PNPT1: variants seen among roughly 807,000 people sequenced by gnomAD.
PNPT1 encodes polyribonucleotide nucleotidyltransferase 1, mitochondrial.
A neutral mutation model predicts 119.5 loss-of-function variants in PNPT1; 53 were observed. The ratio of observed to expected loss-of-function variants is 0.44; its 90% confidence interval spans 0.36 to 0.56. The LOEUF is 0.56. PNPT1 is among the 20% of genes least tolerant of loss of function. PNPT1 has a pLI of 0.00. For synonymous variants in PNPT1, 357 were observed against 322.1 expected, an observed-to-expected ratio of 1.11 and a Z score of -1.16; for missense variants, 948 against 938.5, an observed-to-expected ratio of 1.01 and a Z score of -0.13.
chr2:55,688,760 C>A lies in PNPT1; in HGVS notation c.162-1055G>T, dbSNP rs75849470. Among the ~76,000 whole-genome samples, 198 of 150,380 alleles carry A rather than the reference C, an allele frequency of 1.3e-3. 1 individual carries two copies. Among genetic ancestry groups the A allele is most frequent in the East Asian group, 0.013 (66 of 5,110 alleles). On this transcript the variant is annotated intron_variant, in intron 1 of 27. Transcript: ENST00000447944. ...CAAAACAAAACAACAACAACAACAA[C>A]AACAACAAAAAACTTTAGAATTTCT... is the stretch of plus-strand genomic sequence containing the variant.
chr2:55,647,306 A>G, intron 19 of PNPT1, 41 bp downstream of exon 19: 1 of 1,411,376 alleles, frequency 7.1e-7, no homozygotes, highest in Non-Finnish European at 9.8e-7. Flanking sequence ...ATTTATTTTT[A>G]GTCTTCATTA....
At chr2:55,692,532 G>A (rs1390465324) in intron 1 of PNPT1, among the ~76,000 whole-genome samples, 1 of 151,464 alleles carries the variant, frequency 6.6e-6, no homozygotes, top group East Asian at 1.9e-4. Flanking sequence ...TTAAAAAGCG[G>A]TCCCCTAAAA....
At chr2:55,659,009 C>T (rs138654005) in intron 15 of PNPT1, among the ~76,000 whole-genome samples, 390 of 152,266 alleles carry the variant, frequency 2.6e-3, no homozygotes, top group African/African-American at 8.4e-3. Flanking sequence ...GGCTGAAGTG[C>T]GGCGGAGTGA....
intron 19 of PNPT1, among the ~76,000 whole-genome samples, chr2:55,647,021 G>C (rs982302182): frequency 2.0e-5 from 3 of 152,060 alleles, no homozygotes; most frequent in African/African-American, 7.2e-5. Flanking sequence ...ATTTTTAGTA[G>C]AGATGGAGTT....
chr2:55,636,077 TA>T lies in PNPT1; in HGVS notation c.*159del. On this transcript the variant is annotated 3_prime_UTR_variant, in exon 28 of 28. Transcript: ENST00000447944. Reference sequence around the variant, plus strand: ...TTAAACAAATATGGGTTACTCGAATTAAAAAAATGGCACATGTAAATGAGCA... The same window carrying T: ...TTAAACAAATATGGGTTACTCGAATTAAAAAATGGCACATGTAAATGAGCA... 3 of 413,118 alleles carry T rather than the reference TA, an allele frequency of 7.3e-6. No individual in the cohort carries two copies. The highest frequency in any genetic ancestry group is 1.2e-5 in the Non-Finnish European group (3 of 245,592). 25.6% of individuals were successfully genotyped at this position (413,118 alleles called of 1,614,324 possible).
chr2:55,661,891 C>T, intron 14 of PNPT1, 65 bp downstream of exon 14: 1 of 1,353,520 alleles, frequency 7.4e-7, no homozygotes, highest in Non-Finnish European at 9.8e-7. Flanking sequence ...TAATATACCA[C>T]ATAAGCTTTA....
At chr2:55,671,465 G>T in intron 10 of PNPT1, 89 bp from the exon 11 acceptor site, 4 of 700,472 alleles carry the variant, frequency 5.7e-6, no homozygotes, top group African/African-American at 1.9e-5. Context: ...AACACATTGT[G>T]AATTACTCTG....
At chr2:55,662,879 GATT>G (rs1325777617) in intron 13 of PNPT1, among the ~76,000 whole-genome samples, 5 of 131,830 alleles carry the variant, frequency 3.8e-5, no homozygotes, top group Non-Finnish European at 6.6e-5. Flanking sequence ...GCAGACAAAA[GATT>G]TTTTTTTTTT....
At chr2:55,693,437 G>A (rs1252867756) in intron 1 of PNPT1, among the ~76,000 whole-genome samples, 7 of 152,156 alleles carry the variant, frequency 4.6e-5, no homozygotes, top group Admixed American at 4.6e-4. Flanking sequence ...GTCGGATGGA[G>A]CAAAGAAGCC....
intron 21 of PNPT1, 146 bp downstream of exon 21, chr2:55,646,113 C>T (rs1695994491): frequency 1.3e-6 from 1 of 783,470 alleles, no homozygotes. Context: ...CAGACATGAG[C>T]CACCACACCT....
Position 55,661,967 on chromosome 2 carries a change from T to C in PNPT1, c.1236A>G (p.Ile412Met). 1 of 1,572,034 alleles carries C rather than the reference T, an allele frequency of 6.4e-7. No individual in the cohort carries two copies. Among genetic ancestry groups the C allele is most frequent in the Non-Finnish European group, 8.6e-7 (1 of 1,166,460 alleles). ...AAAACATAACTTACTTTATAGCTGT[T>C]ATAACTTGATCTGACTTAATACCAG... ...LESGIKSDQVITAINGIKDKN... is the reference protein window; with the variant it reads ...LESGIKSDQVMTAINGIKDKN... Residue 412 changes from isoleucine to methionine, a missense_variant, in exon 14 of 28, where the codon ATA (isoleucine) becomes ATG (methionine). Coordinates refer to ENST00000447944, the MANE Select transcript of PNPT1 (RefSeq NM_033109.5).
intron 22 of PNPT1, 164 bp downstream of exon 22, chr2:55,645,185 G>A (rs369800223): frequency 1.2e-4 from 53 of 437,610 alleles, no homozygotes; most frequent in Admixed American, 5.0e-4. Flanking sequence ...CACCACGCCC[G>A]GCTAATTTTT....
rs1559109231 is a variant in PNPT1, at chr2:55,679,803, G to A, written c.566-8C>T. 2 of 1,569,588 alleles carry A rather than the reference G, an allele frequency of 1.3e-6. No homozygotes were observed. The highest frequency in any genetic ancestry group is 2.3e-5 in the East Asian group (1 of 43,976). ...TTCCTATTCGTACTGCCCCTAAAAT[G>A]TATTAGAATATTGGCAACTGTTTAA... On this transcript the variant is annotated splice_region_variant and splice_polypyrimidine_tract_variant and intron_variant, in intron 7 of 27. Transcript: ENST00000447944.
chr2:55,678,226 A>G (rs1158373686), intron 8 of PNPT1, among the ~76,000 whole-genome samples: 1 of 152,224 alleles, frequency 6.6e-6, no homozygotes, highest in African/African-American at 2.4e-5. Context: ...TGAACAGGAA[A>G]CCAATACTTT....
At chr2:55,663,243 G>A (rs1696635343) in intron 13 of PNPT1, among the ~76,000 whole-genome samples, 1 of 152,146 alleles carries the variant, frequency 6.6e-6, no homozygotes, top group Admixed American at 6.6e-5. Flanking sequence ...AGAATAAGTG[G>A]AAATTCTAGA....
chr2:55,683,315 T>C (rs1353457594), intron 5 of PNPT1, among the ~76,000 whole-genome samples: 1 of 152,176 alleles, frequency 6.6e-6, no homozygotes, highest in African/African-American at 2.4e-5. Context: ...TGTTAGCTTT[T>C]TAAAAGCACT....
chr2:55,656,346 A>G lies in PNPT1; in HGVS notation c.1310T>C (p.Ile437Thr). The change falls in exon 16 of 28, where the codon ATT becomes ACT. Residue 437 changes from isoleucine (I) to threonine (T), a missense_variant. By Grantham distance (89) the Ile-to-Thr change is moderately conservative. Transcript: ENST00000447944. Reference sequence around the variant, plus strand: ...TCTATTTAAACCAGTGACTTTGCCAATTTCATTAGTTGCATAAGGAGGAAA... The same window carrying G: ...TCTATTTAAACCAGTGACTTTGCCAGTTTCATTAGTTGCATAAGGAGGAAA... ...YEFPPYATNEIGKVTGLNRRE... is the reference protein window; with the variant it reads ...YEFPPYATNETGKVTGLNRRE... The G allele has an allele frequency of 6.2e-7, 1 of 1,609,906 alleles. No homozygotes were observed. Among genetic ancestry groups the G allele is most frequent in the Non-Finnish European group, 8.5e-7 (1 of 1,178,600 alleles).
At chr2:55,642,214 GAAAT>G (rs1695854228) in intron 25 of PNPT1, among the ~76,000 whole-genome samples, 1 of 151,980 alleles carries the variant, frequency 6.6e-6, no homozygotes, top group Admixed American at 6.6e-5. Flanking sequence ...GAAAAAAAAA[GAAAT>G]AAAGAAATAT....
intron 15 of PNPT1, 125 bp from the exon 16 acceptor site, chr2:55,656,496 AC>A: frequency 2.4e-6 from 2 of 827,354 alleles, no homozygotes; most frequent in South Asian, 3.8e-5. Context: ...TTAAAAAAGT[AC>A]ATTCATAAAT....
Sources: allele counts gnomAD v4.1 joint callset (sites outside exome capture counted in the v4.1 genomes callset), GRCh38; gene constraint gnomAD v4.1.1; transcripts MANE v1.5; gene names NCBI Gene and HGNC (gene_info 2026-07-23, HGNC 2026-07-21).